Variants in ATP8A2 observed in about 807,000 individuals in gnomAD.
ATP8A2 encodes ATPase phospholipid transporting 8A2.
In ATP8A2, 100 loss-of-function variants were observed where a neutral mutation model predicts 165.6. The ratio of observed to expected loss-of-function variants is 0.60; its 90% CI spans 0.51 to 0.71. The LOEUF is 0.71. Among genes scored for constraint, ATP8A2 ranks in the 30% least tolerant of loss-of-function variants. The probability of loss-of-function intolerance (pLI) is 0.00; values close to 1 mark genes in which losing one functional copy is unlikely to be tolerated. For missense variants in ATP8A2, 1,227 were observed against 1,479.5 expected, an observed-to-expected ratio of 0.83 and a Z score of 2.80; for synonymous variants, 543 against 548.8, an observed-to-expected ratio of 0.99 and a Z score of 0.15.
intron 28 of ATP8A2, among the ~76,000 whole-genome samples, chr13:25,836,484 C>T (rs1221535176): frequency 6.6e-6 from 1 of 152,160 alleles, no homozygotes; most frequent in African/African-American, 2.4e-5. Context: ...CTCTTTGGTG[C>T]AAGAATCCTT....
chr13:25,457,888 T>G (rs967429427), intron 1 of ATP8A2, among the ~76,000 whole-genome samples: 2 of 152,002 alleles, frequency 1.3e-5, no homozygotes, highest in African/African-American at 4.8e-5. Flanking sequence ...GTCAGTGGAG[T>G]TGGGAACAAA....
intron 25 of ATP8A2, among the ~76,000 whole-genome samples, chr13:25,732,402 G>C (rs940282082): frequency 6.6e-6 from 1 of 152,160 alleles, no homozygotes; most frequent in Non-Finnish European, 1.5e-5. Flanking sequence ...GGTGATATTC[G>C]AGGTAGTGGC....
rs560470770 is a variant in ATP8A2 at position 25,799,102 on chromosome 13, A to AC, written c.2679+24143_2679+24144insC. ...AAAGGAAAATAAAGATTAAAAAAAA[A>AC]ACACAGTCAGTTATTTTTATATATT... On this transcript the variant is annotated intron_variant, in intron 27 of 36. Coordinates refer to ENST00000381655, the MANE Select transcript of ATP8A2 (RefSeq NM_016529.6). 7.9e-4 allele frequency among the ~76,000 whole-genome samples: 121 copies of AC among 152,308 alleles called. 1 individual carries two copies. The highest frequency in any genetic ancestry group is 3.1e-3 in the South Asian group (15 of 4,818).
At chr13:25,984,563 C>A (rs7988015) in intron 35 of ATP8A2, among the ~76,000 whole-genome samples, 33,959 of 150,660 alleles carry the variant, frequency 0.23, 4,707 homozygotes, top group East Asian at 0.55. Context: ...AAGATTGTGT[C>A]CTCTAGCCTT....
intron 24 of ATP8A2, among the ~76,000 whole-genome samples, chr13:25,640,714 A>G (rs1447830079): frequency 6.6e-6 from 1 of 152,224 alleles, no homozygotes; most frequent in South Asian, 2.1e-4. Context: ...AAATGATTCC[A>G]ATCAATAGAA....
At chr13:25,559,492 A>G (rs1215161872) in intron 14 of ATP8A2, among the ~76,000 whole-genome samples, 1 of 152,244 alleles carries the variant, frequency 6.6e-6, no homozygotes, top group African/African-American at 2.4e-5. Flanking sequence ...GAATTGCTCC[A>G]CTGCACTCTA....
chr13:25,435,952 A>T (rs11617593), intron 1 of ATP8A2, among the ~76,000 whole-genome samples: 1,133 of 40,616 alleles, frequency 0.028, 17 homozygotes, highest in African/African-American at 0.053. Context: ...TGTGTGTGTG[A>T]GTGTGTGTGT....
At chr13:25,925,234 A>C (rs1188843010) in intron 33 of ATP8A2, among the ~76,000 whole-genome samples, 2 of 152,154 alleles carry the variant, frequency 1.3e-5, no homozygotes, top group Admixed American at 6.5e-5. Flanking sequence ...ATTCAGACTA[A>C]AAAAATTATT....
intron 27 of ATP8A2, among the ~76,000 whole-genome samples, chr13:25,824,512 T>A (rs1207241296): frequency 6.6e-6 from 1 of 152,188 alleles, no homozygotes; most frequent in Non-Finnish European, 1.5e-5. Flanking sequence ...TCCTCTTATT[T>A]TTTTCTATAA....
chr13:25,425,324 C>A (rs1369248865), intron 1 of ATP8A2, among the ~76,000 whole-genome samples: 1 of 152,044 alleles, frequency 6.6e-6, no homozygotes, highest in African/African-American at 2.4e-5. Context: ...TAGAAGCTCC[C>A]CCCAGCACCC....
chr13:25,654,850 A>G (rs2041891928), intron 24 of ATP8A2, among the ~76,000 whole-genome samples: 1 of 152,148 alleles, frequency 6.6e-6, no homozygotes, highest in Admixed American at 6.5e-5. Context: ...TGCTGCTGTG[A>G]TCCTGAGAAT....
intron 28 of ATP8A2, among the ~76,000 whole-genome samples, chr13:25,830,344 TTA>T (rs1469018325): frequency 2.6e-5 from 4 of 152,132 alleles, no homozygotes; most frequent in African/African-American, 9.7e-5. Context: ...AGGGTTGAGA[TTA>T]TATTTTATGC....
At chr13:25,801,966 G>A (rs1049269052) in intron 27 of ATP8A2, among the ~76,000 whole-genome samples, 1 of 151,986 alleles carries the variant, frequency 6.6e-6, no homozygotes, top group African/African-American at 2.4e-5. Flanking sequence ...TCATTATCAC[G>A]AGAATAACAT....
intron 25 of ATP8A2, among the ~76,000 whole-genome samples, chr13:25,752,377 C>T (rs557007764): frequency 3.2e-4 from 49 of 152,084 alleles, no homozygotes; most frequent in Non-Finnish European, 4.9e-4. Context: ...AGGAGAATCG[C>T]TTGAACCCGG....
chr13:25,641,567 A>G (rs1422093484), intron 24 of ATP8A2, among the ~76,000 whole-genome samples: 2 of 152,232 alleles, frequency 1.3e-5, no homozygotes, highest in Admixed American at 1.3e-4. Context: ...GACCTCTTCA[A>G]GGAGAACTAC....
At chr13:25,655,487 A>C (rs576503643) in intron 24 of ATP8A2, among the ~76,000 whole-genome samples, 1 of 152,290 alleles carries the variant, frequency 6.6e-6, no homozygotes, top group African/African-American at 2.4e-5. Flanking sequence ...GTCATTTAGA[A>C]CATTATTATT....
intron 26 of ATP8A2, among the ~76,000 whole-genome samples, chr13:25,770,663 G>A (rs184956769): frequency 6.6e-6 from 1 of 152,258 alleles, no homozygotes; most frequent in East Asian, 1.9e-4. Context: ...AATCCCTTGG[G>A]CGGTTACATA....
At chr13:26,014,642 CA>C (rs768444766) in intron 36 of ATP8A2, among the ~76,000 whole-genome samples, 2 of 151,250 alleles carry the variant, frequency 1.3e-5, no homozygotes, top group Admixed American at 6.6e-5. Flanking sequence ...GTTAAAAAAA[CA>C]AAAAAACAAA....
At chr13:25,584,314 C>A (rs546434736) in intron 23 of ATP8A2, among the ~76,000 whole-genome samples, 1 of 152,186 alleles carries the variant, frequency 6.6e-6, no homozygotes, top group Admixed American at 6.5e-5. Context: ...AGGTCATGCT[C>A]TAGATACAGA....
Sources: gnomAD v4.1 joint callset for allele counts (sites outside exome capture counted in the v4.1 genomes callset) on GRCh38, gnomAD v4.1.1 for gene constraint, MANE v1.5 for transcripts, NCBI Gene and HGNC (gene_info 2026-07-23, HGNC 2026-07-21) for gene names.